Variants in IPCEF1 observed in about 807,000 individuals in gnomAD.
IPCEF1 encodes interaction protein for cytohesin exchange factors 1.
A neutral mutation model predicts 50.9 loss-of-function variants in IPCEF1; 31 were observed. The observed-to-expected ratio is 0.61, with a 90% CI of 0.46 to 0.82. The LOEUF is 0.82. Ranked by LOEUF, IPCEF1 falls within the 40% of genes least tolerant of loss-of-function variation. IPCEF1 has a pLI of 0.00. For synonymous variants in IPCEF1, 181 were observed against 192.0 expected (o/e 0.94, Z 0.47); for missense variants, 458 against 514.0 (o/e 0.89, Z 1.05).
chr6:154,230,275 T>C (rs942749846), intron 5 of IPCEF1, among the ~76,000 whole-genome samples: 13 of 152,298 alleles, frequency 8.5e-5, no homozygotes, highest in African/African-American at 2.9e-4. Flanking sequence ...AAATCTCCCA[T>C]GCAGATGGGG....
intron 2 of IPCEF1, among the ~76,000 whole-genome samples, chr6:154,270,486 CATCT>C (rs1432829093): frequency 6.6e-6 from 1 of 152,148 alleles, no homozygotes; most frequent in Non-Finnish European, 1.5e-5. Flanking sequence ...GGTAATGTCT[CATCT>C]ATCTAAGTAC....
At chr6:154,243,409 C>A (rs1780757687) in intron 5 of IPCEF1, among the ~76,000 whole-genome samples, 1 of 152,178 alleles carries the variant, frequency 6.6e-6, no homozygotes, top group Admixed American at 6.5e-5. Flanking sequence ...TGGACTTGAC[C>A]TTTCTCAATG....
intron 1 of IPCEF1, among the ~76,000 whole-genome samples, chr6:154,327,812 A>T (rs1253279285): frequency 6.6e-6 from 1 of 152,204 alleles, no homozygotes; most frequent in African/African-American, 2.4e-5. Context: ...AAACACATGG[A>T]ATCAACCTAA....
rs113467557 is a variant in IPCEF1, at chr6:154,278,765, A to G, written c.-18+10948T>C. Among the ~76,000 whole-genome samples, 1,224 of 152,148 alleles carry G rather than the reference A, an allele frequency of 8.0e-3. 21 individuals are homozygous for G. The highest frequency in any genetic ancestry group is 0.028 in the African/African-American group (1,161 of 41,502). On this transcript the variant is annotated intron_variant, in intron 2 of 11. Coordinates refer to ENST00000367220, the MANE Select transcript of IPCEF1 (RefSeq NM_001130700.2). ...TAAAAGGTAAAAAATCAAGATTGTC[A>G]GTATTTTCAAATGATATAGTTTTAC...
intron 11 of IPCEF1, among the ~76,000 whole-genome samples, chr6:154,162,507 C>T (rs537473230): frequency 7.5e-4 from 114 of 152,330 alleles, no homozygotes; most frequent in African/African-American, 2.7e-3. Context: ...ACTTATTTAT[C>T]AGCAGCACCT....
intron 11 of IPCEF1, among the ~76,000 whole-genome samples, chr6:154,166,632 T>C (rs1452511314): frequency 6.6e-6 from 1 of 152,198 alleles, no homozygotes; most frequent in Non-Finnish European, 1.5e-5. Context: ...ATTTTAATCA[T>C]GTATTTGTTT....
chr6:154,307,628 T>A (rs551059828), intron 1 of IPCEF1, among the ~76,000 whole-genome samples: 1 of 152,278 alleles, frequency 6.6e-6, no homozygotes, highest in East Asian at 1.9e-4. Context: ...TTTTCCTTAA[T>A]CCCATACCCG....
intron 1 of IPCEF1, among the ~76,000 whole-genome samples, chr6:154,336,103 G>A (rs774805547): frequency 6.6e-6 from 1 of 152,198 alleles, no homozygotes; most frequent in African/African-American, 2.4e-5. Context: ...GTGGAAAATA[G>A]TATGAAGATT....
chr6:154,340,884 C>CAAAAAA (rs59726979), intron 1 of IPCEF1, among the ~76,000 whole-genome samples: 1 of 128,694 alleles, frequency 7.8e-6, no homozygotes, highest in East Asian at 2.2e-4. Context: ...AACTCCGTCT[C>CAAAAAA]AAAAAAAAAA....
chr6:154,179,249 A>G (rs545482055), intron 10 of IPCEF1, among the ~76,000 whole-genome samples: 9 of 152,332 alleles, frequency 5.9e-5, no homozygotes, highest in Admixed American at 4.6e-4. Context: ...CAATTGCTAT[A>G]CTAAGACTAC....
intron 2 of IPCEF1, among the ~76,000 whole-genome samples, chr6:154,275,901 C>T (rs546559486): frequency 1.1e-3 from 163 of 152,214 alleles, no homozygotes; most frequent in African/African-American, 3.6e-3. Context: ...TTTTAGGGGC[C>T]GGGCACAGTG....
At chr6:154,233,203 A>G (rs1363227552) in intron 5 of IPCEF1, among the ~76,000 whole-genome samples, 3 of 152,166 alleles carry the variant, frequency 2.0e-5, no homozygotes, top group Non-Finnish European at 4.4e-5. Context: ...TACTGGCCTC[A>G]AGTGATCTGC....
chr6:154,195,152 T>C lies in IPCEF1; in HGVS notation c.910+4516A>G, dbSNP rs1248423095. Among the ~76,000 whole-genome samples the C allele has an allele frequency of 4.8e-3, 712 of 146,864 alleles. 1 individual carries two copies. The highest frequency in any genetic ancestry group is 0.01 in the Middle Eastern group (3 of 286). On this transcript the variant is annotated intron_variant, in intron 10 of 11. Coordinates refer to ENST00000367220, the MANE Select transcript of IPCEF1 (RefSeq NM_001130700.2). The stretch of plus-strand genomic sequence containing the variant: ...AAATAATTTTTCTTTTCTTTCTTTT[T>C]TTTTTTTTTTTTTGAGACAGAATCT...
chr6:154,189,671 T>C (rs763231873), intron 10 of IPCEF1, among the ~76,000 whole-genome samples: 3 of 152,192 alleles, frequency 2.0e-5, no homozygotes, highest in Non-Finnish European at 4.4e-5. Flanking sequence ...TATTCATGCA[T>C]TGAAACATCA....
chr6:154,159,827 C>T lies in IPCEF1; in HGVS notation c.*1G>A, dbSNP rs781465774. The T allele has an allele frequency of 2.5e-6, 4 of 1,608,138 alleles. No individual in the cohort carries two copies. The highest frequency in any genetic ancestry group is 3.4e-6 in the Non-Finnish European group (4 of 1,177,132). ...TAAGAGGAGAAAACCCTGACTTTGT[C>T]TCAAATGGAATTTTCAACAGAGGGA... On this transcript the variant is annotated 3_prime_UTR_variant, in exon 12 of 12. Coordinates refer to ENST00000367220, the MANE Select transcript of IPCEF1 (RefSeq NM_001130700.2).
At chr6:154,354,439 TCCTCCACCACCA>T (rs1784174298) in intron 1 of IPCEF1, among the ~76,000 whole-genome samples, 1 of 135,676 alleles carries the variant, frequency 7.4e-6, no homozygotes, top group African/African-American at 2.6e-5. Context: ...CTCCACCATC[TCCTCCACCACCA>T]CCTCCACCAT....
intron 9 of IPCEF1, among the ~76,000 whole-genome samples, chr6:154,202,088 AG>A (rs2128593816): frequency 6.6e-6 from 1 of 152,324 alleles, no homozygotes; most frequent in Non-Finnish European, 1.5e-5. Context: ...TTTTGATGGG[AG>A]AAGCCAATAT....
chr6:154,212,217 T>G (rs1778018331), intron 9 of IPCEF1, among the ~76,000 whole-genome samples: 1 of 152,200 alleles, frequency 6.6e-6, no homozygotes, highest in Admixed American at 6.5e-5. Flanking sequence ...TTCACATTAA[T>G]TAATAATGTG....
intron 1 of IPCEF1, among the ~76,000 whole-genome samples, chr6:154,355,902 C>T (rs1351280846): frequency 3.3e-5 from 5 of 152,064 alleles, no homozygotes. Flanking sequence ...ATCCTCTCGC[C>T]GTGGTCACCC....
Sources: allele counts gnomAD v4.1 joint callset (sites outside exome capture counted in the v4.1 genomes callset), GRCh38; gene constraint gnomAD v4.1.1; transcripts MANE v1.5; gene names NCBI Gene and HGNC (gene_info 2026-07-23, HGNC 2026-07-21).